CFTR: variants seen among roughly 807,000 people sequenced by gnomAD.
CFTR encodes the protein CF transmembrane conductance regulator, also known as cystic fibrosis transmembrane conductance regulator.
Under a neutral mutation model 171.6 loss-of-function variants are expected in CFTR, and 181 were observed. That is an observed-to-expected ratio of 1.05 (90% CI 0.93 to 1.19). The LOEUF (loss-of-function observed/expected upper bound fraction) is 1.19, where lower values mean the gene tolerates loss of function less well. CFTR is among the 50% of genes most tolerant of loss of function. CFTR has a pLI of 0.00. For missense variants in CFTR, 1,968 were observed against 1,734.7 expected (o/e 1.13, Z -2.39); for synonymous variants, 583 against 608.0 (o/e 0.96, Z 0.60).
intron 9 of CFTR, among the ~76,000 whole-genome samples, chr7:117,546,387 G>A (rs746618090): frequency 1.4e-4 from 21 of 151,866 alleles, no homozygotes; most frequent in Admixed American, 5.9e-4. Flanking sequence ...CTCCTGCCTC[G>A]GACACCCCAA....
At position 117,659,415 on chromosome 7, in the gene CFTR, A is replaced by G. The variant is rs543169186; in HGVS notation, c.3964-5273A>G. On this transcript the variant is annotated intron_variant, in intron 24 of 26. Coordinates refer to ENST00000003084, the MANE Select transcript of CFTR (RefSeq NM_000492.4). ...CAGTGCCTAGAGTAGTCTTGCATAC[A>G]TGGATGGTATTCAATAAATATTGGT... Among the ~76,000 whole-genome samples, 9 of 152,316 alleles carry G rather than the reference A, an allele frequency of 5.9e-5. No individual in the cohort carries two copies. In the East Asian group the frequency reaches 1.4e-3, roughly 23 times the overall value.
chr7:117,627,621 G>T lies in CFTR; in HGVS notation c.3568G>T (p.Val1190Phe). Residue 1190 changes from valine (V) to phenylalanine (F), a missense_variant, in exon 22 of 27, where the codon GTT becomes TTT. By Grantham distance (50) the Val-to-Phe change is conservative. Transcript: ENST00000003084. ...ATACAAGAATGGCCAACTCTCGAAA[G>T]TTATGATTATTGAGAATTCACACGT... ...KPYKNGQLSK[V>F]MIIENSHVKK... 1 of 1,613,506 alleles carries T rather than the reference G, an allele frequency of 6.2e-7. No homozygotes were observed. Among genetic ancestry groups the T allele is most frequent in the Non-Finnish European group, 8.5e-7 (1 of 1,179,618 alleles).
chr7:117,562,537 A>G (rs975202388), intron 11 of CFTR, among the ~76,000 whole-genome samples: 25 of 152,144 alleles, frequency 1.6e-4, no homozygotes, highest in African/African-American at 5.3e-4. Context: ...GGAAATGGCA[A>G]TGGGGTTGGG....
intron 7 of CFTR, among the ~76,000 whole-genome samples, chr7:117,537,114 A>G (rs1255557274): frequency 1.3e-5 from 2 of 152,176 alleles, no homozygotes; most frequent in Non-Finnish European, 2.9e-5. Flanking sequence ...TTTGGTTAGA[A>G]TATGTTTGCT....
intron 4 of CFTR, among the ~76,000 whole-genome samples, chr7:117,532,472 T>C (rs548722734): frequency 1.9e-4 from 29 of 152,320 alleles, no homozygotes; most frequent in South Asian, 2.1e-4. Flanking sequence ...GTGTGAACAC[T>C]GCTTCAAAAT....
intron 24 of CFTR, 144 bp from the exon 25 acceptor site, chr7:117,664,544 C>A: frequency 1.3e-6 from 1 of 743,356 alleles, no homozygotes; most frequent in South Asian, 1.5e-5. Flanking sequence ...TTTGCTCAAT[C>A]AATTCAAATG....
intron 11 of CFTR, among the ~76,000 whole-genome samples, chr7:117,561,330 G>A (rs929628311): frequency 1.3e-5 from 2 of 151,884 alleles, no homozygotes; most frequent in East Asian, 3.9e-4. Context: ...CTGATTGCAC[G>A]GGCAGCCTTA....
chr7:117,646,572 AACATGGCTTCACG>A (rs1254196191), intron 23 of CFTR, among the ~76,000 whole-genome samples: 2 of 152,096 alleles, frequency 1.3e-5, no homozygotes, highest in Non-Finnish European at 2.9e-5. Flanking sequence ...GACAAGTGCC[AACATGGCTTCACG>A]AGGAATGGGT....
intron 23 of CFTR, among the ~76,000 whole-genome samples, chr7:117,648,110 T>G (rs1248456778): frequency 6.7e-6 from 1 of 149,386 alleles, no homozygotes; most frequent in South Asian, 2.1e-4. Context: ...TGTATATGTA[T>G]GTACACATTA....
chr7:117,543,438 C>T (rs1799090457), intron 9 of CFTR, among the ~76,000 whole-genome samples: 1 of 152,190 alleles, frequency 6.6e-6, no homozygotes, highest in Admixed American at 6.5e-5. Flanking sequence ...GGTGCAAAAA[C>T]CCTCAATTCC....
intron 1 of CFTR, among the ~76,000 whole-genome samples, chr7:117,496,047 G>T (rs930853134): frequency 5.9e-5 from 9 of 151,990 alleles, no homozygotes; most frequent in Non-Finnish European, 7.4e-5. Context: ...CCCCCTGCTC[G>T]CCCTAGACAA....
intron 2 of CFTR, among the ~76,000 whole-genome samples, chr7:117,506,627 TG>T (rs1655046861): frequency 6.6e-6 from 1 of 152,218 alleles, no homozygotes; most frequent in African/African-American, 2.4e-5. Flanking sequence ...GTGATACATT[TG>T]TATTTATGGC....
At chr7:117,607,212 G>A (rs1179656554) in intron 18 of CFTR, among the ~76,000 whole-genome samples, 1 of 152,240 alleles carries the variant, frequency 6.6e-6, no homozygotes, top group East Asian at 1.9e-4. Context: ...TTCCCCCACA[G>A]TAAGGACCAT....
At chr7:117,612,234 T>TACACACACACAC (rs112904263) in intron 20 of CFTR, among the ~76,000 whole-genome samples, 2,748 of 140,908 alleles carry the variant, frequency 0.02, 39 homozygotes, top group African/African-American at 0.04. Context: ...CATCCGCATT[T>TACACACACACAC]ACACACACAC....
intron 24 of CFTR, among the ~76,000 whole-genome samples, chr7:117,661,369 T>G (rs1232250540): frequency 6.6e-6 from 1 of 152,242 alleles, no homozygotes; most frequent in East Asian, 1.9e-4. Context: ...TATAAATTTA[T>G]GTAATTGTTT....
intron 1 of CFTR, among the ~76,000 whole-genome samples, chr7:117,503,901 T>C (rs1035465008): frequency 2.4e-4 from 36 of 152,208 alleles, no homozygotes; most frequent in African/African-American, 8.0e-4. Flanking sequence ...TGGACTTCAG[T>C]AATTTGCTAT....
At chr7:117,659,037 C>T (rs1793223771) in intron 24 of CFTR, among the ~76,000 whole-genome samples, 1 of 152,154 alleles carries the variant, frequency 6.6e-6, no homozygotes, top group South Asian at 2.1e-4. Flanking sequence ...TGCCCAACTT[C>T]CCCTTACTTC....
intron 14 of CFTR, among the ~76,000 whole-genome samples, chr7:117,593,059 A>T (rs996587129): frequency 3.3e-5 from 5 of 152,212 alleles, no homozygotes; most frequent in African/African-American, 1.2e-4. Context: ...GAAGTAGCAT[A>T]TATAAGGTAT....
intron 1 of CFTR, among the ~76,000 whole-genome samples, chr7:117,493,882 G>A (rs1798199466): frequency 6.6e-6 from 1 of 151,936 alleles, no homozygotes; most frequent in Admixed American, 6.6e-5. Flanking sequence ...ATGCCATGAT[G>A]TTCTTTGAAT....
Sources: gnomAD v4.1 joint callset for allele counts (sites outside exome capture counted in the v4.1 genomes callset) on GRCh38, gnomAD v4.1.1 for gene constraint, MANE v1.5 for transcripts, NCBI Gene and HGNC (gene_info 2026-07-23, HGNC 2026-07-21) for gene names.